KIAA1217: variants seen among roughly 807,000 people sequenced by gnomAD.
KIAA1217 encodes the protein KIAA1217.
In KIAA1217, 88 loss-of-function variants were observed where a neutral mutation model predicts 163.9. The observed-to-expected ratio is 0.54, with a 90% CI of 0.45 to 0.64. The LOEUF (loss-of-function observed/expected upper bound fraction) is 0.64, where lower values mean the gene tolerates loss of function less well. Among genes scored for constraint, KIAA1217 ranks in the 30% least tolerant of loss-of-function variants. The pLI is 0.00. For missense variants in KIAA1217, 2,372 were observed against 2,475.0 expected (o/e 0.96, Z 0.88); for synonymous variants, 903 against 923.1 (o/e 0.98, Z 0.39).
chr10:24,042,287 G>T (rs1427040507), intron 2 of KIAA1217: 2 of 149,268 alleles, frequency 1.3e-5, no homozygotes, highest in African/African-American at 2.5e-5. Context: ...CATTTAAAAT[G>T]TCCAAACCCT....
At chr10:23,802,878 C>T (rs1016532553) in intron 1 of KIAA1217, among the ~76,000 whole-genome samples, 2 of 152,120 alleles carry the variant, frequency 1.3e-5, no homozygotes, top group African/African-American at 2.4e-5. Context: ...ATATTGAGCT[C>T]ACAGAGTTTT....
At chr10:23,838,903 A>G (rs1838626240) in intron 1 of KIAA1217, among the ~76,000 whole-genome samples, 1 of 152,216 alleles carries the variant, frequency 6.6e-6, no homozygotes, top group Non-Finnish European at 1.5e-5. Flanking sequence ...TCAATAATCT[A>G]TTATCTGCTG....
At chr10:24,454,081 AG>A (rs2061586636) in intron 5 of KIAA1217, among the ~76,000 whole-genome samples, 2 of 152,214 alleles carry the variant, frequency 1.3e-5, no homozygotes, top group African/African-American at 4.8e-5. Flanking sequence ...GCAAAAAAAA[AG>A]AAAAACGAAA....
chr10:24,199,402 T>C (rs2067142091), intron 2 of KIAA1217, among the ~76,000 whole-genome samples: 1 of 152,212 alleles, frequency 6.6e-6, no homozygotes, highest in Non-Finnish European at 1.5e-5. Flanking sequence ...TTAATACTAA[T>C]ATAAATGGTA....
At chr10:23,840,905 G>A (rs1838748284) in intron 1 of KIAA1217, among the ~76,000 whole-genome samples, 1 of 152,154 alleles carries the variant, frequency 6.6e-6, no homozygotes, top group Non-Finnish European at 1.5e-5. Flanking sequence ...CCATAGAATA[G>A]TGGTCAAGAA....
intron 1 of KIAA1217, among the ~76,000 whole-genome samples, chr10:23,828,406 G>A (rs921341510): frequency 6.6e-6 from 1 of 152,010 alleles, no homozygotes; most frequent in African/African-American, 2.4e-5. Flanking sequence ...GGTGGGCATG[G>A]GAGTTGTTTC....
chr10:24,009,818 T>A (rs1222258803), intron 2 of KIAA1217, among the ~76,000 whole-genome samples: 1 of 152,040 alleles, frequency 6.6e-6, no homozygotes, highest in East Asian at 1.9e-4. Flanking sequence ...GCTGCAGGAG[T>A]TGTTGGAACT....
chr10:24,168,299 G>C (rs575924488), intron 2 of KIAA1217, among the ~76,000 whole-genome samples: 4 of 152,006 alleles, frequency 2.6e-5, no homozygotes, highest in Non-Finnish European at 5.9e-5. Flanking sequence ...TTACTTATAA[G>C]GAGGGAATAT....
intron 1 of KIAA1217, among the ~76,000 whole-genome samples, chr10:23,887,267 G>A (rs963801437): frequency 8.6e-5 from 13 of 152,012 alleles, no homozygotes; most frequent in African/African-American, 3.1e-4. Flanking sequence ...AGTGTTTTAT[G>A]TTTAAGAAAA....
chr10:23,979,629 G>T (rs1845683356), intron 1 of KIAA1217, among the ~76,000 whole-genome samples: 2 of 152,112 alleles, frequency 1.3e-5, no homozygotes, highest in African/African-American at 4.8e-5. Context: ...GAGGGACTTG[G>T]AGCCCTCTTT....
intron 2 of KIAA1217, among the ~76,000 whole-genome samples, chr10:24,269,399 T>C (rs1358077018): frequency 6.6e-6 from 1 of 151,888 alleles, no homozygotes; most frequent in Non-Finnish European, 1.5e-5. Context: ...TGGCACACAT[T>C]TGTAGTCCTA....
chr10:24,121,907 A>C (rs2063295071), intron 2 of KIAA1217, among the ~76,000 whole-genome samples: 1 of 152,160 alleles, frequency 6.6e-6, no homozygotes. Flanking sequence ...GGGCATCACT[A>C]ACGGGTATGG....
At chr10:24,137,575 C>G (rs151111702) in intron 2 of KIAA1217, among the ~76,000 whole-genome samples, 1 of 152,246 alleles carries the variant, frequency 6.6e-6, no homozygotes, top group East Asian at 1.9e-4. Flanking sequence ...AAATTGTTGA[C>G]CTGAGTTCAA....
intron 1 of KIAA1217, among the ~76,000 whole-genome samples, chr10:23,950,630 T>A (rs998434977): frequency 6.6e-6 from 1 of 152,062 alleles, no homozygotes; most frequent in Non-Finnish European, 1.5e-5. Context: ...AATTTCAAGT[T>A]GGAGATGTAT....
At position 23,772,275 on chromosome 10, in the gene KIAA1217, T is replaced by A. The variant is rs544695041; in HGVS notation, c.-321+77041T>A. 4.6e-5 allele frequency among the ~76,000 whole-genome samples: 7 copies of A among 152,272 alleles called. No homozygotes were observed. In the South Asian group the frequency reaches 1.4e-3, roughly 32 times the overall value. The stretch of plus-strand genomic sequence containing the variant: ...GTTAGTACAACATGAATTATAAAAA[T>A]TTTTATGCATTAGACTCTCTGGTTG... On this transcript the variant is annotated intron_variant, in intron 1 of 18. Transcript: ENST00000376462.
At chr10:24,390,199 C>A (rs951738340) in intron 3 of KIAA1217, among the ~76,000 whole-genome samples, 1 of 152,088 alleles carries the variant, frequency 6.6e-6, no homozygotes, top group Non-Finnish European at 1.5e-5. Flanking sequence ...TATTGTAGTG[C>A]TGCCTGTTCT....
intron 1 of KIAA1217, among the ~76,000 whole-genome samples, chr10:23,965,315 C>T (rs1021127511): frequency 6.6e-6 from 1 of 152,222 alleles, no homozygotes; most frequent in Non-Finnish European, 1.5e-5. Flanking sequence ...GGGCTCATAA[C>T]CAACTGTATG....
At chr10:23,889,354 G>A (rs1197760082) in intron 1 of KIAA1217, among the ~76,000 whole-genome samples, 1 of 151,810 alleles carries the variant, frequency 6.6e-6, no homozygotes, top group Non-Finnish European at 1.5e-5. Flanking sequence ...AATGCATATT[G>A]GCACCTCATT....
intron 1 of KIAA1217, among the ~76,000 whole-genome samples, chr10:24,216,704 G>A (rs888037461): frequency 1.3e-5 from 2 of 151,340 alleles, no homozygotes; most frequent in African/African-American, 4.9e-5. Flanking sequence ...GCGCACGGCT[G>A]TAATCTCAGC....
Sources: gnomAD v4.1 joint callset for allele counts (sites outside exome capture counted in the v4.1 genomes callset) on GRCh38, gnomAD v4.1.1 for gene constraint, MANE v1.5 for transcripts, NCBI Gene and HGNC (gene_info 2026-07-23, HGNC 2026-07-21) for gene names.